Variants in SOX6 observed in about 807,000 individuals in gnomAD.
SOX6 encodes transcription factor SOX-6.
Under a neutral mutation model 97.8 loss-of-function variants are expected in SOX6, and 11 were observed. The ratio of observed to expected loss-of-function variants is 0.11; its 90% CI spans 0.07 to 0.19. The LOEUF (loss-of-function observed/expected upper bound fraction) is 0.19. Ranked by LOEUF, SOX6 falls within the 10% of genes least tolerant of loss-of-function variation. The probability of loss-of-function intolerance (pLI) is 1.00; values close to 1 mark genes in which losing one functional copy is unlikely to be tolerated. For missense variants in SOX6, 810 were observed against 1,039.5 expected (o/e 0.78, Z 3.04); for synonymous variants, 360 against 371.4 (o/e 0.97, Z 0.35).
chr11:16,603,303 C>A (rs969912870), intron 4 of SOX6, among the ~76,000 whole-genome samples: 26 of 152,140 alleles, frequency 1.7e-4, no homozygotes, highest in African/African-American at 6.3e-4. Flanking sequence ...CTAAAGCAGA[C>A]CTGACACTGG....
chr11:16,479,801 A>G (rs889425006), upstream of SOX6, among the ~76,000 whole-genome samples: 1 of 152,122 alleles, frequency 6.6e-6, no homozygotes, highest in African/African-American at 2.4e-5. Context: ...GCACTTTTAC[A>G]ATAAGTTTTA....
chr11:16,641,424 A>G (rs1247581449), intron 3 of SOX6, among the ~76,000 whole-genome samples: 5 of 152,118 alleles, frequency 3.3e-5, no homozygotes, highest in Admixed American at 6.6e-5. Context: ...TATTAGGTCC[A>G]CTTGGTGCAG....
intron 15 of SOX6, among the ~76,000 whole-genome samples, chr11:15,974,767 G>A (rs1167206041): frequency 2.6e-5 from 4 of 152,098 alleles, no homozygotes; most frequent in Admixed American, 6.5e-5. Flanking sequence ...ATTGGTTCAC[G>A]CTGAATTTAG....
chr11:16,634,698 A>T (rs10832657), intron 3 of SOX6, among the ~76,000 whole-genome samples: 47,081 of 151,982 alleles, frequency 0.31, 8,758 homozygotes, highest in Non-Finnish European at 0.42. Context: ...AATTATTTTT[A>T]GTTTTCCATT....
intron 4 of SOX6, among the ~76,000 whole-genome samples, chr11:16,509,050 T>C (rs1485452881): frequency 1.3e-5 from 2 of 152,018 alleles, no homozygotes; most frequent in African/African-American, 4.8e-5. Context: ...GTAATAGACA[T>C]GGCTTCCAGG....
intron 4 of SOX6, among the ~76,000 whole-genome samples, chr11:16,219,526 A>C (rs1852474664): frequency 6.6e-6 from 1 of 152,024 alleles, no homozygotes; most frequent in Non-Finnish European, 1.5e-5. Context: ...TCACAAGTAA[A>C]CGGAATAATT....
chr11:16,266,954 T>C (rs1351459463), intron 3 of SOX6, among the ~76,000 whole-genome samples: 1 of 151,266 alleles, frequency 6.6e-6, no homozygotes, highest in African/African-American at 2.4e-5. Flanking sequence ...TGGCAGTCTC[T>C]TCAATAGATG....
intron 1 of SOX6, among the ~76,000 whole-genome samples, chr11:16,373,254 G>A (rs1267019794): frequency 6.6e-6 from 1 of 151,990 alleles, no homozygotes; most frequent in Non-Finnish European, 1.5e-5. Flanking sequence ...GACAATTCAC[G>A]ATATGCAGTT....
At chr11:16,672,865 AG>A (rs1370313297) in intron 3 of SOX6, among the ~76,000 whole-genome samples, 1 of 152,262 alleles carries the variant, frequency 6.6e-6, no homozygotes, top group African/African-American at 2.4e-5. Flanking sequence ...AGAAAAAAGC[AG>A]GGGTTGCAAT....
chr11:16,090,271 C>T (rs930595481), intron 9 of SOX6, among the ~76,000 whole-genome samples: 2 of 152,002 alleles, frequency 1.3e-5, no homozygotes, highest in Non-Finnish European at 2.9e-5. Context: ...ACTATCCCAC[C>T]AATCAAATAA....
chr11:16,148,993 T>C (rs190122625), intron 6 of SOX6, among the ~76,000 whole-genome samples: 180 of 152,308 alleles, frequency 1.2e-3, no homozygotes, highest in Non-Finnish European at 2.0e-3. Context: ...TCCACGTTGT[T>C]TCTTCTTCCT....
chr11:16,372,885 C>A (rs1857527959), intron 1 of SOX6, among the ~76,000 whole-genome samples: 1 of 152,008 alleles, frequency 6.6e-6, no homozygotes, highest in Non-Finnish European at 1.5e-5. Flanking sequence ...TTATATGAAT[C>A]CCTGCCCATC....
intron 4 of SOX6, among the ~76,000 whole-genome samples, chr11:16,564,457 G>T (rs533771841): frequency 1.3e-5 from 2 of 152,210 alleles, no homozygotes; most frequent in South Asian, 4.1e-4. Flanking sequence ...TAAACAATCT[G>T]ATCAACAGAA....
intron 1 of SOX6, among the ~76,000 whole-genome samples, chr11:16,370,033 CTGG>C (rs1857461272): frequency 6.6e-6 from 1 of 152,114 alleles, no homozygotes; most frequent in African/African-American, 2.4e-5. Context: ...CCAGCACCAG[CTGG>C]CCACCATCCT....
intron 3 of SOX6, among the ~76,000 whole-genome samples, chr11:16,276,440 G>T (rs1301230414): frequency 6.6e-6 from 1 of 152,150 alleles, no homozygotes; most frequent in African/African-American, 2.4e-5. Context: ...TGCAGCTAGG[G>T]TCATTAGTCA....
chr11:16,154,578 C>T (rs116006816), intron 6 of SOX6, among the ~76,000 whole-genome samples: 42 of 151,996 alleles, frequency 2.8e-4, no homozygotes, highest in East Asian at 5.8e-4. Flanking sequence ...CACCTGTCTC[C>T]GAATTAAATT....
At chr11:16,494,210 C>G (rs900546760) in intron 4 of SOX6, among the ~76,000 whole-genome samples, 2 of 151,904 alleles carry the variant, frequency 1.3e-5, no homozygotes, top group African/African-American at 4.8e-5. Flanking sequence ...AACCCCATCT[C>G]CACTAAAAAT....
At chr11:16,599,975 G>C (rs535555141) in intron 4 of SOX6, among the ~76,000 whole-genome samples, 2 of 152,200 alleles carry the variant, frequency 1.3e-5, no homozygotes, top group Non-Finnish European at 2.9e-5. Context: ...AAGCCATAAT[G>C]AGGGGGTAGC....
intron 13 of SOX6, 76 bp from the exon 14 acceptor site, chr11:15,989,306 TG>T: frequency 2.4e-6 from 3 of 1,243,714 alleles, no homozygotes; most frequent in South Asian, 1.5e-5. Flanking sequence ...GCTTGCCGCC[TG>T]GGTCAGCTGT....
Sources: allele counts gnomAD v4.1 joint callset (sites outside exome capture counted in the v4.1 genomes callset), GRCh38; gene constraint gnomAD v4.1.1; transcripts MANE v1.5; gene names NCBI Gene and HGNC (gene_info 2026-07-23, HGNC 2026-07-21).